Variants in CAMK2D observed in about 807,000 individuals in gnomAD.
CAMK2D encodes calcium/calmodulin dependent protein kinase II delta.
In CAMK2D, 37 loss-of-function variants were observed where a neutral mutation model predicts 84.0. The ratio of observed to expected loss-of-function variants is 0.44; its 90% CI spans 0.34 to 0.58. The LOEUF is 0.58. CAMK2D is among the 20% of genes least tolerant of loss of function. The pLI, the probability that CAMK2D is intolerant of heterozygous loss-of-function variation, is 0.02. For synonymous variants in CAMK2D, 202 were observed against 212.5 expected (o/e 0.95, Z 0.43); for missense variants, 448 against 652.5 (o/e 0.69, Z 3.41).
At chr4:113,694,195 T>C (rs1435526520) in intron 2 of CAMK2D, among the ~76,000 whole-genome samples, 4 of 152,116 alleles carry the variant, frequency 2.6e-5, no homozygotes, top group African/African-American at 9.7e-5. Flanking sequence ...GACCTCAAAC[T>C]TTAGGAGTTT....
chr4:113,578,215 A>C (rs1260284930), intron 4 of CAMK2D, among the ~76,000 whole-genome samples: 1 of 152,192 alleles, frequency 6.6e-6, no homozygotes, highest in Non-Finnish European at 1.5e-5. Flanking sequence ...CAATCCTGTC[A>C]TAGTCAGCCC....
At chr4:113,457,203 G>C (rs1040233673) in intron 19 of CAMK2D, 132 bp downstream of exon 19, 32 of 1,433,276 alleles carry the variant, frequency 2.2e-5, no homozygotes, top group Non-Finnish European at 2.8e-5. Flanking sequence ...TTCCCGTGAA[G>C]GCATTTATTT....
chr4:113,715,785 T>C (rs1562007363), intron 2 of CAMK2D, among the ~76,000 whole-genome samples: 1 of 152,200 alleles, frequency 6.6e-6, no homozygotes, highest in African/African-American at 2.4e-5. Context: ...AATTTCTCTT[T>C]TCTCAGAACA....
chr4:113,754,892 T>C (rs2099624979), intron 2 of CAMK2D: 1 of 982,976 alleles, frequency 1.0e-6, no homozygotes, highest in East Asian at 1.1e-4. Context: ...TGTACAAATA[T>C]AAAAATGATT....
intron 2 of CAMK2D, among the ~76,000 whole-genome samples, chr4:113,749,423 G>A (rs1470820453): frequency 6.6e-6 from 1 of 152,010 alleles, no homozygotes; most frequent in Non-Finnish European, 1.5e-5. Context: ...CACAGCAGTT[G>A]AAACAGCTGG....
chr4:113,495,425 A>G (rs911564798), intron 16 of CAMK2D, among the ~76,000 whole-genome samples: 1 of 152,230 alleles, frequency 6.6e-6, no homozygotes, highest in Non-Finnish European at 1.5e-5. Flanking sequence ...CCATGAGATC[A>G]TCTGCCTTAG....
intron 2 of CAMK2D, among the ~76,000 whole-genome samples, chr4:113,727,434 C>A (rs1260335067): frequency 6.6e-6 from 1 of 151,650 alleles, no homozygotes; most frequent in East Asian, 1.9e-4. Context: ...CAAAATAATT[C>A]AATAGGGAAT....
intron 17 of CAMK2D, among the ~76,000 whole-genome samples, chr4:113,462,714 T>A (rs1389644442): frequency 6.6e-6 from 1 of 152,150 alleles, no homozygotes; most frequent in Non-Finnish European, 1.5e-5. Context: ...ATAACAGTAG[T>A]ATCTGTTTAT....
chr4:113,510,411 G>A (rs2154161212), intron 12 of CAMK2D, among the ~76,000 whole-genome samples: 1 of 152,154 alleles, frequency 6.6e-6, no homozygotes, highest in South Asian at 2.1e-4. Flanking sequence ...AATCTTCAAC[G>A]AAATTAGAGA....
intron 8 of CAMK2D, among the ~76,000 whole-genome samples, chr4:113,525,739 T>C (rs1319393726): frequency 6.6e-6 from 1 of 152,242 alleles, no homozygotes; most frequent in East Asian, 1.9e-4. Flanking sequence ...TTAATTCATA[T>C]AGAAGGCTAG....
intron 2 of CAMK2D, among the ~76,000 whole-genome samples, chr4:113,692,336 T>G: frequency 6.6e-6 from 1 of 152,194 alleles, no homozygotes; most frequent in East Asian, 1.9e-4. Context: ...TTTCTAAGTT[T>G]GTGAAAATTT....
At chr4:113,536,007 A>G (rs1357001711) in intron 7 of CAMK2D, among the ~76,000 whole-genome samples, 1 of 152,188 alleles carries the variant, frequency 6.6e-6, no homozygotes, top group Non-Finnish European at 1.5e-5. Context: ...AACTCCTGTT[A>G]CAATATATTC....
At chr4:113,523,433 A>C (rs2098387263) in intron 8 of CAMK2D, among the ~76,000 whole-genome samples, 1 of 152,096 alleles carries the variant, frequency 6.6e-6, no homozygotes, top group African/African-American at 2.4e-5. Context: ...CATTAAATTT[A>C]AACACATGAC....
intron 8 of CAMK2D, among the ~76,000 whole-genome samples, chr4:113,523,742 A>C (rs1426393034): frequency 6.6e-6 from 1 of 152,202 alleles, no homozygotes; most frequent in African/African-American, 2.4e-5. Flanking sequence ...ACTGCACCCC[A>C]GCTTGGGCAA....
Position 113,646,107 on chromosome 4 carries a change from G to C in CAMK2D, c.220+15606C>G, listed in dbSNP as rs1376446398. Among the ~76,000 whole-genome samples the C allele has an allele frequency of 2.6e-5, 4 of 152,190 alleles. No individual in the cohort carries two copies. In the East Asian group the frequency reaches 7.7e-4, roughly 29 times the overall value. On this transcript the variant is annotated intron_variant, in intron 3 of 20. Coordinates refer to ENST00000511664, the MANE Select transcript of CAMK2D (RefSeq NM_001321571.2). ...GTGGGCCAGCCCAGGGCCATTGATA[G>C]TCATTTTAGCCAGAAGGAAAGCAAA...
intron 3 of CAMK2D, among the ~76,000 whole-genome samples, chr4:113,619,858 T>C (rs904023308): frequency 6.6e-6 from 1 of 152,160 alleles, no homozygotes; most frequent in African/African-American, 2.4e-5. Context: ...AAAAAGTCTG[T>C]TGACCGCTGG....
At chr4:113,671,974 T>C (rs1426395995) in intron 2 of CAMK2D, among the ~76,000 whole-genome samples, 1 of 152,200 alleles carries the variant, frequency 6.6e-6, no homozygotes, top group Admixed American at 6.5e-5. Context: ...ATCTTTTCCT[T>C]AGGAAGAACC....
intron 7 of CAMK2D, among the ~76,000 whole-genome samples, chr4:113,534,552 C>G (rs1413056323): frequency 6.6e-6 from 1 of 152,104 alleles, no homozygotes; most frequent in Non-Finnish European, 1.5e-5. Context: ...TTGGGACCAG[C>G]TTGTTTTTAG....
At chr4:113,678,927 C>A (rs1212604188) in intron 2 of CAMK2D, among the ~76,000 whole-genome samples, 5 of 152,094 alleles carry the variant, frequency 3.3e-5, no homozygotes, top group Non-Finnish European at 7.4e-5. Flanking sequence ...GATCTGGGTG[C>A]CATAACCAGC....
Sources: gnomAD v4.1 joint callset for allele counts (sites outside exome capture counted in the v4.1 genomes callset) on GRCh38, gnomAD v4.1.1 for gene constraint, MANE v1.5 for transcripts, NCBI Gene and HGNC (gene_info 2026-07-23, HGNC 2026-07-21) for gene names.